SOS1: variants seen among roughly 807,000 people sequenced by gnomAD.
The protein encoded by SOS1 is son of sevenless homolog 1.
A neutral mutation model predicts 157.6 loss-of-function variants in SOS1; 25 were observed. The ratio of observed to expected loss-of-function variants is 0.16; its 90% CI spans 0.12 to 0.22. The LOEUF is 0.22. SOS1 is among the 10% of genes least tolerant of loss of function. The pLI, the probability that SOS1 is intolerant of heterozygous loss-of-function variation, is 1.00. For synonymous variants in SOS1, 528 were observed against 534.0 expected, an observed-to-expected ratio of 0.99 and a Z score of 0.16; for missense variants, 1,237 against 1,599.1, an observed-to-expected ratio of 0.77 and a Z score of 3.86.
At chr2:39,020,420 A>G (rs902161273) in intron 10 of SOS1, among the ~76,000 whole-genome samples, 2 of 151,704 alleles carry the variant, frequency 1.3e-5, no homozygotes, top group Non-Finnish European at 3.0e-5. Context: ...ATTATATCCA[A>G]TGTCTTTTAT....
chr2:39,075,205 T>C (rs1008897407), intron 1 of SOS1, among the ~76,000 whole-genome samples: 1 of 151,650 alleles, frequency 6.6e-6, no homozygotes, highest in Non-Finnish European at 1.5e-5. Flanking sequence ...GCACAAACAG[T>C]GGGAGGTGGG....
At chr2:39,071,025 G>T (rs1671775476) in intron 1 of SOS1, among the ~76,000 whole-genome samples, 1 of 152,014 alleles carries the variant, frequency 6.6e-6, no homozygotes, top group African/African-American at 2.4e-5. Context: ...ACCACGTTGG[G>T]CTAATTTTTT....
At chr2:39,092,648 C>T (rs1213391117) in intron 1 of SOS1, among the ~76,000 whole-genome samples, 1 of 152,152 alleles carries the variant, frequency 6.6e-6, no homozygotes, top group Non-Finnish European at 1.5e-5. Flanking sequence ...TAGAACACTG[C>T]TTGGCATTTC....
At chr2:39,030,683 C>G (rs1434890306) in intron 8 of SOS1, among the ~76,000 whole-genome samples, 1 of 152,046 alleles carries the variant, frequency 6.6e-6, no homozygotes, top group Admixed American at 6.5e-5. Context: ...GTACCAAAAA[C>G]TTATTGTTAA....
chr2:39,089,302 G>C (rs1672494642), intron 1 of SOS1, among the ~76,000 whole-genome samples: 1 of 152,056 alleles, frequency 6.6e-6, no homozygotes, highest in African/African-American at 2.4e-5. Context: ...GGCCAACATG[G>C]GCAGATCACC....
intron 1 of SOS1, among the ~76,000 whole-genome samples, chr2:39,086,379 G>C (rs577190077): frequency 1.3e-5 from 2 of 152,320 alleles, no homozygotes; most frequent in South Asian, 4.1e-4. Context: ...AAGGAATACT[G>C]TAAGATGAGC....
intron 1 of SOS1, among the ~76,000 whole-genome samples, chr2:39,089,711 T>C (rs1672514363): frequency 6.6e-6 from 1 of 152,160 alleles, no homozygotes; most frequent in African/African-American, 2.4e-5. Flanking sequence ...CTTATCTTCA[T>C]ATCCTAACAC....
chr2:39,001,706 G>A (rs1423290502), intron 17 of SOS1, among the ~76,000 whole-genome samples: 5 of 152,112 alleles, frequency 3.3e-5, no homozygotes, highest in South Asian at 2.1e-4. Context: ...TTTACCCACC[G>A]GATCAGAACT....
At chr2:39,102,314 C>T (rs1023893652) in intron 1 of SOS1, among the ~76,000 whole-genome samples, 1 of 144,680 alleles carries the variant, frequency 6.9e-6, no homozygotes, top group Non-Finnish European at 1.5e-5. Flanking sequence ...CTTGAGCCTA[C>T]GAGTTCAAGA....
chr2:39,063,366 G>A (rs1167087440), intron 2 of SOS1, among the ~76,000 whole-genome samples: 2 of 152,118 alleles, frequency 1.3e-5, no homozygotes, highest in African/African-American at 4.8e-5. Flanking sequence ...TTAGTTATAT[G>A]CAAATACTAT....
rs561772850 is a variant in SOS1, at chr2:39,022,888, A to G, written c.1540T>C (p.Phe514Leu). ...TTTTCATCTTTTAAAATTATTTCAA[A>G]AGCATGCTTGTATTCATTGGTGTCA... is the stretch of plus-strand genomic sequence containing the variant. ...KDDTNEYKHA[F>L]EIILKDENSV... Residue 514 changes from phenylalanine (F) to leucine (L), a missense_variant, in exon 10 of 23, where the codon TTT becomes CTT. This residue lies in a region of SOS1 where 210 missense variants were observed against 220.2 expected (regional missense o/e 0.95). Coordinates refer to ENST00000402219, the MANE Select transcript of SOS1 (RefSeq NM_005633.4). The G allele has an allele frequency of 6.2e-7, 1 of 1,612,704 alleles. No individual in the cohort carries two copies. The highest frequency in any genetic ancestry group is 1.1e-5 in the South Asian group (1 of 91,034).
At chr2:39,101,084 A>G (rs539187093) in intron 1 of SOS1, among the ~76,000 whole-genome samples, 1 of 152,360 alleles carries the variant, frequency 6.6e-6, no homozygotes, top group African/African-American at 2.4e-5. Flanking sequence ...CTGTACAAGA[A>G]GCGTGCCGCT....
chr2:39,071,475 A>AG (rs1671791028), intron 1 of SOS1, among the ~76,000 whole-genome samples: 1 of 152,250 alleles, frequency 6.6e-6, no homozygotes, highest in Admixed American at 6.5e-5. Flanking sequence ...GAAAAGGGAA[A>AG]ATCATCATTG....
intron 8 of SOS1, among the ~76,000 whole-genome samples, chr2:39,033,033 C>T (rs1670219141): frequency 6.6e-6 from 1 of 151,276 alleles, no homozygotes; most frequent in Admixed American, 6.6e-5. Context: ...ACCCTGAACA[C>T]ATTTGGCATA....
intron 2 of SOS1, among the ~76,000 whole-genome samples, chr2:39,064,111 T>A (rs2148134038): frequency 6.6e-6 from 1 of 152,262 alleles, no homozygotes; most frequent in South Asian, 2.1e-4. Context: ...TGAGATTACA[T>A]GTGTGATCCA....
chr2:39,012,210 C>A lies in SOS1; in HGVS notation c.2306G>T (p.Gly769Val). The A allele has an allele frequency of 6.2e-7, 1 of 1,613,598 alleles. No homozygotes were observed. The highest frequency in any genetic ancestry group is 8.5e-7 in the Non-Finnish European group (1 of 1,179,750). Reference protein sequence around the residue: ...PTVEWHISRPGHIETFDLLTL... With the variant: ...PTVEWHISRPVHIETFDLLTL... ...GAGCAGGTCAAAAGTCTCTATGTGCCCAGGTCTGCTTATATGCCACTCAAC... is the reference window on the plus strand; with the variant it reads ...GAGCAGGTCAAAAGTCTCTATGTGCACAGGTCTGCTTATATGCCACTCAAC... Residue 769 changes from glycine (G) to valine (V), a missense_variant, in exon 14 of 23, where the codon GGG becomes GTG. This residue lies in a region of SOS1 where 39 missense variants were observed against 40.5 expected (regional missense o/e 0.96). Transcript: ENST00000402219.
intron 6 of SOS1, among the ~76,000 whole-genome samples, chr2:39,039,084 G>C (rs1482322042): frequency 2.0e-5 from 3 of 152,188 alleles, no homozygotes; most frequent in East Asian, 3.8e-4. Flanking sequence ...ACTGAAGGCT[G>C]AGAGGATTAT....
At chr2:39,024,358 G>T (rs984066380) in intron 8 of SOS1, among the ~76,000 whole-genome samples, 1 of 152,106 alleles carries the variant, frequency 6.6e-6, no homozygotes, top group Non-Finnish European at 1.5e-5. Flanking sequence ...GTTAAGATGG[G>T]TTATATCTTG....
intron 1 of SOS1, among the ~76,000 whole-genome samples, chr2:39,072,258 A>G (rs190773893): frequency 3.5e-4 from 54 of 152,206 alleles, no homozygotes; most frequent in East Asian, 2.1e-3. Context: ...TGATGTTCCA[A>G]CTGGGCAGGG....
Sources: allele counts gnomAD v4.1 joint callset (sites outside exome capture counted in the v4.1 genomes callset), GRCh38; gene constraint gnomAD v4.1.1; regional missense constraint gnomAD v4.1.1; transcripts MANE v1.5; gene names NCBI Gene and HGNC (gene_info 2026-07-23, HGNC 2026-07-21).